FHIT: variants seen among roughly 807,000 people sequenced by gnomAD.
FHIT encodes the protein bis(5'-adenosyl)-triphosphatase.
Under a neutral mutation model 17.9 loss-of-function variants are expected in FHIT, and 19 were observed. That is an observed-to-expected ratio of 1.06 (90% CI 0.74 to 1.56). The LOEUF (loss-of-function observed/expected upper bound fraction) is 1.56. Among genes scored for constraint, FHIT ranks in the 40% most tolerant of loss-of-function variants. The pLI is 0.00. For missense variants in FHIT, 248 were observed against 189.2 expected (o/e 1.31, Z -1.82); for synonymous variants, 81 against 69.7 (o/e 1.16, Z -0.81).
At chr3:61,020,102 G>A (rs1289458735) in intron 3 of FHIT, among the ~76,000 whole-genome samples, 1 of 152,076 alleles carries the variant, frequency 6.6e-6, no homozygotes, top group Non-Finnish European at 1.5e-5. Flanking sequence ...AGATCTTTGA[G>A]GAATTGCCAC....
chr3:60,075,962 G>T (rs539282711), intron 5 of FHIT, among the ~76,000 whole-genome samples: 7 of 152,032 alleles, frequency 4.6e-5, no homozygotes. Context: ...AAACAGCTAC[G>T]TGTGAGTTCT....
intron 2 of FHIT, among the ~76,000 whole-genome samples, chr3:61,155,788 C>T (rs1366534831): frequency 2.0e-5 from 3 of 152,110 alleles, no homozygotes; most frequent in African/African-American, 7.2e-5. Context: ...ATAAAAGAGA[C>T]ATAAGAGAAA....
chr3:60,054,526 T>C (rs1392260456), intron 5 of FHIT, among the ~76,000 whole-genome samples: 1 of 152,192 alleles, frequency 6.6e-6, no homozygotes, highest in Non-Finnish European at 1.5e-5. Flanking sequence ...GGTTTTCAAA[T>C]TATCCAGAAC....
intron 2 of FHIT, among the ~76,000 whole-genome samples, chr3:61,080,259 C>T (rs982782929): frequency 3.9e-5 from 6 of 152,052 alleles, no homozygotes; most frequent in Non-Finnish European, 7.4e-5. Context: ...TAATCAAATC[C>T]TTAGCATGAA....
chr3:60,626,708 G>A (rs1576994501), intron 4 of FHIT, among the ~76,000 whole-genome samples: 1 of 150,230 alleles, frequency 6.7e-6, no homozygotes, highest in Admixed American at 6.6e-5. Flanking sequence ...TCCCTGGTTA[G>A]AACTGTTAGA....
At chr3:59,793,257 G>C (rs561043325) in intron 8 of FHIT, among the ~76,000 whole-genome samples, 1 of 152,206 alleles carries the variant, frequency 6.6e-6, no homozygotes, top group East Asian at 1.9e-4. Context: ...ACCTATTGTA[G>C]GTCATTAAAA....
chr3:60,910,859 CA>C (rs1321532304), intron 3 of FHIT, among the ~76,000 whole-genome samples: 1 of 152,212 alleles, frequency 6.6e-6, no homozygotes, highest in Non-Finnish European at 1.5e-5. Flanking sequence ...CACACATAGC[CA>C]CCCATAACAG....
chr3:61,096,323 C>T (rs983514959), intron 2 of FHIT, among the ~76,000 whole-genome samples: 1 of 152,158 alleles, frequency 6.6e-6, no homozygotes, highest in Non-Finnish European at 1.5e-5. Context: ...ATTTCACCAA[C>T]AAAAGTTATT....
intron 9 of FHIT, chr3:59,750,477 T>C (rs774964086): frequency 2.7e-5 from 6 of 224,214 alleles, no homozygotes; most frequent in Non-Finnish European, 4.4e-5. Context: ...CCTATGTTCT[T>C]AGGTAAACTA....
At chr3:61,175,955 T>C (rs957799025) in intron 2 of FHIT, among the ~76,000 whole-genome samples, 1 of 152,262 alleles carries the variant, frequency 6.6e-6, no homozygotes, top group African/African-American at 2.4e-5. Flanking sequence ...GCTTTTGACA[T>C]GCCTTGGAAG....
intron 2 of FHIT, among the ~76,000 whole-genome samples, chr3:61,043,652 G>A (rs774066322): frequency 6.6e-6 from 1 of 152,206 alleles, no homozygotes; most frequent in Non-Finnish European, 1.5e-5. Context: ...CATGGAGTTT[G>A]ACATCTGAGA....
intron 3 of FHIT, among the ~76,000 whole-genome samples, chr3:60,827,333 C>T (rs1702159664): frequency 6.6e-6 from 1 of 152,164 alleles, no homozygotes; most frequent in South Asian, 2.1e-4. Flanking sequence ...CAGGAGGCAC[C>T]AGTAGAATGC....
intron 3 of FHIT, among the ~76,000 whole-genome samples, chr3:60,998,439 A>T (rs1346560479): frequency 6.6e-6 from 1 of 152,202 alleles, no homozygotes; most frequent in Non-Finnish European, 1.5e-5. Flanking sequence ...TCAACATTAC[A>T]TTATTTTCTT....
At chr3:59,897,466 T>C (rs1328078340) in intron 8 of FHIT, among the ~76,000 whole-genome samples, 2 of 152,234 alleles carry the variant, frequency 1.3e-5, no homozygotes, top group Non-Finnish European at 2.9e-5. Flanking sequence ...TTTTATGGTA[T>C]GTTGGTCCTT....
intron 4 of FHIT, among the ~76,000 whole-genome samples, chr3:60,682,760 T>A (rs1156412545): frequency 3.3e-5 from 5 of 152,220 alleles, no homozygotes; most frequent in African/African-American, 7.2e-5. Context: ...GACTTTCAAG[T>A]CTCATTATTT....
intron 2 of FHIT, among the ~76,000 whole-genome samples, chr3:61,193,570 C>G (rs2038775310): frequency 6.6e-6 from 1 of 152,110 alleles, no homozygotes; most frequent in African/African-American, 2.4e-5. Context: ...GCAGACACTC[C>G]AAACACCACT....
chr3:61,101,502 C>A (rs909465215), intron 2 of FHIT, among the ~76,000 whole-genome samples: 1 of 152,166 alleles, frequency 6.6e-6, no homozygotes, highest in African/African-American at 2.4e-5. Flanking sequence ...AGGATGCCTC[C>A]AGCTTTGTTC....
At chr3:61,135,583 AC>A (rs1553850964) in intron 2 of FHIT, among the ~76,000 whole-genome samples, 3 of 33,940 alleles carry the variant, frequency 8.8e-5, no homozygotes, top group Non-Finnish European at 1.4e-4. Flanking sequence ...TTGTGTTCGA[AC>A]ACACACACAC....
chr3:60,211,307 T>C (rs1703443148), intron 5 of FHIT, among the ~76,000 whole-genome samples: 1 of 151,992 alleles, frequency 6.6e-6, no homozygotes, highest in African/African-American at 2.4e-5. Context: ...CTTATGTATA[T>C]ATTGTATTTG....
Sources: allele counts gnomAD v4.1 joint callset (sites outside exome capture counted in the v4.1 genomes callset), GRCh38; gene constraint gnomAD v4.1.1; transcripts MANE v1.5; gene names NCBI Gene and HGNC (gene_info 2026-07-23, HGNC 2026-07-21).